AKAP6: variants seen among roughly 807,000 people sequenced by gnomAD.
AKAP6 encodes A-kinase anchor protein 6.
A neutral mutation model predicts 188.5 loss-of-function variants in AKAP6; 58 were observed. The ratio of observed to expected loss-of-function variants is 0.31; its 90% CI spans 0.25 to 0.38. AKAP6 has a LOEUF of 0.38. Among genes scored for constraint, AKAP6 ranks in the 10% least tolerant of loss-of-function variants. The pLI is 1.00. For missense variants in AKAP6, 2,710 were observed against 2,740.0 expected (o/e 0.99, Z 0.24); for synonymous variants, 989 against 998.6 (o/e 0.99, Z 0.18).
chr14:32,590,858 G>A (rs1300245368), intron 5 of AKAP6, among the ~76,000 whole-genome samples: 1 of 152,158 alleles, frequency 6.6e-6, no homozygotes, highest in Admixed American at 6.5e-5. Context: ...TGACTAGACA[G>A]GATGTTAATA....
At chr14:32,428,247 C>T (rs186669135) in intron 1 of AKAP6, among the ~76,000 whole-genome samples, 31 of 152,244 alleles carry the variant, frequency 2.0e-4, no homozygotes. Flanking sequence ...CCATAGTGAT[C>T]CTTGTTTTGG....
intron 1 of AKAP6, among the ~76,000 whole-genome samples, chr14:32,342,772 T>A (rs1886931078): frequency 6.6e-6 from 1 of 151,976 alleles, no homozygotes; most frequent in Non-Finnish European, 1.5e-5. Flanking sequence ...GGTTTGTTAT[T>A]TTTTTTTAAT....
intron 11 of AKAP6, among the ~76,000 whole-genome samples, chr14:32,738,679 A>C (rs1277471616): frequency 6.6e-6 from 1 of 152,180 alleles, no homozygotes. Context: ...CAGCAGAGAC[A>C]GAGGGAAAAT....
chr14:32,682,049 A>C (rs1889700282), intron 8 of AKAP6, among the ~76,000 whole-genome samples: 1 of 152,174 alleles, frequency 6.6e-6, no homozygotes, highest in Non-Finnish European at 1.5e-5. Flanking sequence ...AAAGGATTTT[A>C]AGTGTCAAGT....
chr14:32,385,288 G>A (rs566104802), intron 1 of AKAP6: 1 of 152,188 alleles, frequency 6.6e-6, no homozygotes, highest in Admixed American at 6.5e-5. Context: ...AGCCATAAAA[G>A]GAGAGGAATT....
intron 3 of AKAP6, among the ~76,000 whole-genome samples, chr14:32,541,744 T>A (rs940121359): frequency 2.0e-5 from 3 of 152,144 alleles, no homozygotes; most frequent in Non-Finnish European, 4.4e-5. Context: ...TTCTGAGTAA[T>A]GAACAATGAA....
At chr14:32,732,827 C>T (rs568359598) in intron 10 of AKAP6, 31 of 610,856 alleles carry the variant, frequency 5.1e-5, no homozygotes, top group African/African-American at 2.5e-4. Flanking sequence ...AATTTTGGTT[C>T]TTTAATACAT....
intron 2 of AKAP6, among the ~76,000 whole-genome samples, chr14:32,530,634 GGGACAA>G: frequency 6.6e-6 from 1 of 152,272 alleles, no homozygotes; most frequent in Non-Finnish European, 1.5e-5. Flanking sequence ...TCGTCTCCCA[GGGACAA>G]TTAGCAGGAA....
chr14:32,668,718 G>C (rs1055135696), intron 7 of AKAP6, among the ~76,000 whole-genome samples: 3 of 151,890 alleles, frequency 2.0e-5, no homozygotes, highest in African/African-American at 4.8e-5. Context: ...CCTAAGGCTA[G>C]GTTTTTTTGG....
intron 7 of AKAP6, among the ~76,000 whole-genome samples, chr14:32,615,448 A>G (rs1446602820): frequency 6.6e-6 from 1 of 150,762 alleles, no homozygotes; most frequent in Non-Finnish European, 1.5e-5. Context: ...TGGAGCTGAA[A>G]TTTTCTGTTA....
At chr14:32,510,983 C>T (rs1237321188) in intron 2 of AKAP6, among the ~76,000 whole-genome samples, 1 of 152,262 alleles carries the variant, frequency 6.6e-6, no homozygotes, top group Non-Finnish European at 1.5e-5. Context: ...CCAAAATCAT[C>T]CCACACTTAC....
intron 12 of AKAP6, among the ~76,000 whole-genome samples, chr14:32,779,796 C>T (rs889718070): frequency 1.3e-5 from 2 of 152,024 alleles, no homozygotes; most frequent in Admixed American, 1.3e-4. Flanking sequence ...TGGAATGATA[C>T]TATAAAGCAA....
intron 2 of AKAP6, among the ~76,000 whole-genome samples, chr14:32,503,957 A>G (rs1337141108): frequency 1.3e-5 from 2 of 151,826 alleles, no homozygotes; most frequent in Non-Finnish European, 2.9e-5. Flanking sequence ...AACATATATT[A>G]ATGCATTATA....
intron 7 of AKAP6, among the ~76,000 whole-genome samples, chr14:32,627,646 A>G (rs1466047962): frequency 1.3e-5 from 2 of 152,078 alleles, no homozygotes; most frequent in Non-Finnish European, 2.9e-5. Flanking sequence ...CCCTCAGTTC[A>G]TGGCAGTTTC....
intron 2 of AKAP6, among the ~76,000 whole-genome samples, chr14:32,521,938 A>G (rs916091874): frequency 7.9e-5 from 12 of 152,220 alleles, no homozygotes; most frequent in Non-Finnish European, 1.5e-4. Flanking sequence ...ACTTCAAACT[A>G]TACTACAAGG....
intron 2 of AKAP6, among the ~76,000 whole-genome samples, chr14:32,514,500 A>G (rs1881420434): frequency 1.3e-5 from 2 of 152,204 alleles, no homozygotes; most frequent in Non-Finnish European, 2.9e-5. Flanking sequence ...TGAAATCCCA[A>G]ATAGAACTTT....
chr14:32,607,215 G>A (rs1382934060), intron 7 of AKAP6, among the ~76,000 whole-genome samples: 1 of 152,142 alleles, frequency 6.6e-6, no homozygotes, highest in African/African-American at 2.4e-5. Context: ...CAAAGTATTG[G>A]ATCTGCATTC....
At chr14:32,404,745 T>C (rs1889230454) in intron 1 of AKAP6, among the ~76,000 whole-genome samples, 1 of 127,186 alleles carries the variant, frequency 7.9e-6, no homozygotes, top group Non-Finnish European at 1.7e-5. Flanking sequence ...AGTTGATACA[T>C]GAAAATTGGG....
intron 1 of AKAP6, among the ~76,000 whole-genome samples, chr14:32,374,544 A>T (rs1486736706): frequency 1.3e-5 from 2 of 152,200 alleles, no homozygotes; most frequent in Non-Finnish European, 2.9e-5. Context: ...GGAAGGCTGG[A>T]GTGGTAGATT....
Sources: gnomAD v4.1 joint callset for allele counts (sites outside exome capture counted in the v4.1 genomes callset) on GRCh38, gnomAD v4.1.1 for gene constraint, MANE v1.5 for transcripts, NCBI Gene and HGNC (gene_info 2026-07-23, HGNC 2026-07-21) for gene names.